ADAMTSL1: variants seen among roughly 807,000 people sequenced by gnomAD.
The protein encoded by ADAMTSL1 is ADAMTS-like protein 1.
In ADAMTSL1, 126 loss-of-function variants were observed where a neutral mutation model predicts 201.8. That is an observed-to-expected ratio of 0.62 (90% CI 0.54 to 0.72). The LOEUF (loss-of-function observed/expected upper bound fraction) is 0.72, where lower values mean the gene tolerates loss of function less well. Among genes scored for constraint, ADAMTSL1 ranks in the 30% least tolerant of loss-of-function variants. The pLI, the probability that ADAMTSL1 is intolerant of heterozygous loss-of-function variation, is 0.00. For missense variants in ADAMTSL1, 2,679 were observed against 2,277.8 expected (o/e 1.18, Z -3.59); for synonymous variants, 1,121 against 903.4 (o/e 1.24, Z -4.32).
chr9:18,418,592 T>A (rs146305393), intron 2 of ADAMTSL1, among the ~76,000 whole-genome samples: 18 of 152,194 alleles, frequency 1.2e-4, no homozygotes, highest in Non-Finnish European at 2.2e-4. Context: ...CAATACTATT[T>A]AAGAAATAGG....
At chr9:18,903,772 C>G (rs1054946326) in intron 26 of ADAMTSL1, among the ~76,000 whole-genome samples, 4 of 151,758 alleles carry the variant, frequency 2.6e-5, no homozygotes, top group Admixed American at 6.6e-5. Flanking sequence ...TCAAGTCCTG[C>G]AGTCAATCTC....
At chr9:18,052,479 C>A (rs74496093) in intron 1 of ADAMTSL1, among the ~76,000 whole-genome samples, 3 of 152,152 alleles carry the variant, frequency 2.0e-5, no homozygotes, top group South Asian at 2.1e-4. Context: ...TGTGTGAAGC[C>A]GCTGAGAGTG....
At chr9:18,414,162 C>G (rs911876403) in intron 2 of ADAMTSL1, among the ~76,000 whole-genome samples, 4 of 152,012 alleles carry the variant, frequency 2.6e-5, no homozygotes, top group Admixed American at 2.0e-4. Context: ...AATTTCATCA[C>G]TTAATCAATT....
intron 2 of ADAMTSL1, among the ~76,000 whole-genome samples, chr9:18,301,578 T>G (rs1833712268): frequency 6.6e-6 from 1 of 152,142 alleles, no homozygotes. Flanking sequence ...GACAATACAC[T>G]ATAATAAAAG....
chr9:18,895,517 C>G (rs1016554045), intron 26 of ADAMTSL1, among the ~76,000 whole-genome samples: 3 of 149,186 alleles, frequency 2.0e-5, no homozygotes, highest in Non-Finnish European at 4.4e-5. Context: ...GACCTGCAGA[C>G]ACCTGGGAAA....
At chr9:18,761,415 G>A (rs747160669) in intron 16 of ADAMTSL1, among the ~76,000 whole-genome samples, 1 of 151,978 alleles carries the variant, frequency 6.6e-6, no homozygotes, top group Non-Finnish European at 1.5e-5. Context: ...CTTATAAAAC[G>A]AACCCATGAC....
chr9:18,531,796 A>G (rs1311739696), intron 2 of ADAMTSL1, among the ~76,000 whole-genome samples: 2 of 152,210 alleles, frequency 1.3e-5, no homozygotes, highest in African/African-American at 4.8e-5. Context: ...GTGGACGTTT[A>G]TTGAATAAAA....
At chr9:18,608,847 A>G (rs536480900) in intron 4 of ADAMTSL1, among the ~76,000 whole-genome samples, 2 of 152,218 alleles carry the variant, frequency 1.3e-5, no homozygotes, top group Non-Finnish European at 2.9e-5. Context: ...CCCAACTTCC[A>G]GAAGACTACT....
chr9:18,437,892 G>A (rs1238704228), intron 2 of ADAMTSL1, among the ~76,000 whole-genome samples: 1 of 152,022 alleles, frequency 6.6e-6, no homozygotes, highest in African/African-American at 2.4e-5. Flanking sequence ...CATGACTTAT[G>A]CCCCCAGCTG....
Position 18,153,323 on chromosome 9 carries a change from G to T in ADAMTSL1, c.88-10539G>T, listed in dbSNP as rs947249402. Among the ~76,000 whole-genome samples the T allele has an allele frequency of 6.5e-4, 99 of 151,990 alleles. 1 individual carries two copies. Among genetic ancestry groups the T allele is most frequent in the Non-Finnish European group, 2.1e-4 (14 of 67,954 alleles). On this transcript the variant is annotated intron_variant, in intron 1 of 29. Transcript: ENST00000680146. ...TTAGATAAATGCTCTTGGGAAAGTC[G>T]ATCTACTTCTCTCTGGGCTCCAGAA...
chr9:18,505,018 T>G (rs895247144), intron 2 of ADAMTSL1, 62 bp downstream of exon 2: 1 of 1,556,964 alleles, frequency 6.4e-7, no homozygotes, highest in African/African-American at 1.4e-5. Flanking sequence ...TGAGGCATGC[T>G]TTTGTGATTG....
intron 3 of ADAMTSL1, among the ~76,000 whole-genome samples, chr9:18,545,767 T>C (rs1362892048): frequency 2.0e-5 from 3 of 152,172 alleles, no homozygotes. Flanking sequence ...AAGCAGGGAT[T>C]TGAGAATAAT....
At position 17,956,179 on chromosome 9, in the gene ADAMTSL1, G is replaced by A. The variant is rs1019513619; in HGVS notation, c.87+49257G>A. On this transcript the variant is annotated intron_variant, in intron 1 of 29. Coordinates refer to the ADAMTSL1 transcript ENST00000680146. ...TTTCATAAATACATCTTACCTTGTA[G>A]TGCTTTTTGAAGTGGCTGTAAGACC... is the stretch of plus-strand genomic sequence containing the variant. Among the ~76,000 whole-genome samples the A allele has an allele frequency of 3.3e-5, 5 of 152,094 alleles. No individual in the cohort carries two copies. In the East Asian group the frequency reaches 9.6e-4, roughly 29 times the overall value.
In ADAMTSL1 at chr9:18,909,639, C is replaced by G. The variant is rs1404140689; in HGVS notation, c.*1091C>G. On this transcript the variant is annotated 3_prime_UTR_variant, in exon 29 of 29. Coordinates refer to ENST00000380548, the MANE Select transcript of ADAMTSL1 (RefSeq NM_001040272.6). ...TAACTTATCAACATCAACCCATTAA[C>G]TAGTCACTGTGCCAGAGAGTATCTG... 1 of 147,058 alleles carries G rather than the reference C, an allele frequency of 6.8e-6. No individual in the cohort carries two copies. Among genetic ancestry groups the G allele is most frequent in the African/African-American group, 2.5e-5 (1 of 39,612 alleles). 9.1% of individuals were successfully genotyped at this position (147,058 alleles called of 1,614,324 possible).
chr9:18,734,038 G>A (rs906942772), intron 15 of ADAMTSL1, among the ~76,000 whole-genome samples: 10 of 152,056 alleles, frequency 6.6e-5, no homozygotes, highest in Admixed American at 6.5e-5. Context: ...TATAAGTCCC[G>A]TAAATCAGGG....
chr9:18,369,512 G>T (rs1005451086), intron 2 of ADAMTSL1, among the ~76,000 whole-genome samples: 1 of 152,246 alleles, frequency 6.6e-6, no homozygotes, highest in East Asian at 1.9e-4. Flanking sequence ...AAAAGAGAAT[G>T]CTTATACACA....
chr9:18,372,725 C>A (rs998576605), intron 2 of ADAMTSL1, among the ~76,000 whole-genome samples: 1 of 152,156 alleles, frequency 6.6e-6, no homozygotes, highest in Non-Finnish European at 1.5e-5. Flanking sequence ...TCCCATCTAT[C>A]GTAGAGATAA....
intron 1 of ADAMTSL1, among the ~76,000 whole-genome samples, chr9:17,994,399 T>A (rs373829500): frequency 6.6e-6 from 1 of 152,154 alleles, no homozygotes; most frequent in African/African-American, 2.4e-5. Context: ...ATAGCAATAG[T>A]CATTTAAAGA....
At chr9:17,966,224 AAC>A (rs1422083969) in intron 1 of ADAMTSL1, among the ~76,000 whole-genome samples, 3 of 152,188 alleles carry the variant, frequency 2.0e-5, no homozygotes, top group Non-Finnish European at 2.9e-5. Flanking sequence ...GCCCATAGGA[AAC>A]ACAGAGAAGA....
Sources: allele counts gnomAD v4.1 joint callset (sites outside exome capture counted in the v4.1 genomes callset), GRCh38; gene constraint gnomAD v4.1.1; transcripts MANE v1.5; gene names NCBI Gene and HGNC (gene_info 2026-07-23, HGNC 2026-07-21).